TENM2: variants seen among roughly 807,000 people sequenced by gnomAD.
TENM2 encodes teneurin-2.
In TENM2, 52 loss-of-function variants were observed where a neutral mutation model predicts 245.2. The observed-to-expected ratio is 0.21, with a 90% CI of 0.17 to 0.27. The LOEUF (loss-of-function observed/expected upper bound fraction) is 0.27, where lower values mean the gene tolerates loss of function less well. Among genes scored for constraint, TENM2 ranks in the 10% least tolerant of loss-of-function variants. The pLI is 1.00. For synonymous variants in TENM2, 1,363 were observed against 1,438.9 expected (o/e 0.95, Z 1.19); for missense variants, 3,046 against 3,666.8 (o/e 0.83, Z 4.37).
chr5:167,929,862 T>C (rs1778146113), intron 3 of TENM2, among the ~76,000 whole-genome samples: 1 of 152,192 alleles, frequency 6.6e-6, no homozygotes, highest in Admixed American at 6.5e-5. Flanking sequence ...TTTTTCCTTA[T>C]GGCTCAGGGC....
At chr5:167,965,523 A>C (rs1781324840) in intron 4 of TENM2, 1 of 152,100 alleles carries the variant, frequency 6.6e-6, no homozygotes, top group African/African-American at 2.4e-5. Context: ...TGGAGGCTGC[A>C]GTAAGCTATG....
the TENM2 span, among the ~76,000 whole-genome samples, chr5:167,265,331 CAAAAAA>C: frequency 4.6e-4 from 18 of 39,394 alleles, no homozygotes; most frequent in South Asian, 9.8e-4. Context: ...GACTCTGTCT[CAAAAAA>C]AAAAAAAAAA....
At chr5:167,126,858 A>G in the TENM2 span, among the ~76,000 whole-genome samples, 1 of 152,190 alleles carries the variant, frequency 6.6e-6, no homozygotes, top group East Asian at 1.9e-4. Flanking sequence ...TGAGTTTATA[A>G]GATCAACTTT....
intron 3 of TENM2, among the ~76,000 whole-genome samples, chr5:167,890,912 C>T (rs368718856): frequency 2.6e-5 from 4 of 152,282 alleles, no homozygotes; most frequent in African/African-American, 7.2e-5. Context: ...TAAATCCCCA[C>T]TACAACCATC....
intron 3 of TENM2, among the ~76,000 whole-genome samples, chr5:167,910,821 C>G (rs969515290): frequency 2.0e-5 from 3 of 152,112 alleles, no homozygotes; most frequent in Non-Finnish European, 4.4e-5. Flanking sequence ...AATAATTTAT[C>G]CTAAGTTACA....
At chr5:167,846,593 CCA>C (rs1429625465) in intron 2 of TENM2, among the ~76,000 whole-genome samples, 1 of 151,982 alleles carries the variant, frequency 6.6e-6, no homozygotes, top group Admixed American at 6.6e-5. Flanking sequence ...TGAGATGAAG[CCA>C]CAGAGAAAAA....
intron 2 of TENM2, among the ~76,000 whole-genome samples, chr5:167,780,703 C>T (rs749265181): frequency 6.6e-6 from 1 of 152,178 alleles, no homozygotes; most frequent in Non-Finnish European, 1.5e-5. Context: ...CAGAAGCTCA[C>T]ATACAACAAA....
At chr5:168,235,480 C>T (rs991944679) in intron 25 of TENM2, among the ~76,000 whole-genome samples, 1 of 152,070 alleles carries the variant, frequency 6.6e-6, no homozygotes, top group African/African-American at 2.4e-5. Flanking sequence ...CCTCTTATAC[C>T]TTAGCAAGGA....
intron 2 of TENM2, among the ~76,000 whole-genome samples, chr5:167,464,293 C>A (rs1766507271): frequency 6.6e-6 from 1 of 151,680 alleles, no homozygotes; most frequent in East Asian, 1.9e-4. Flanking sequence ...CTTTTTTCAC[C>A]CTCTCTCATA....
At chr5:168,083,731 T>C (rs994565428) in intron 7 of TENM2, among the ~76,000 whole-genome samples, 4 of 152,120 alleles carry the variant, frequency 2.6e-5, no homozygotes, top group African/African-American at 9.7e-5. Context: ...GTAATAGACG[T>C]TTTTTAAAAA....
At chr5:167,110,353 C>T in the TENM2 span, among the ~76,000 whole-genome samples, 1 of 152,164 alleles carries the variant, frequency 6.6e-6, no homozygotes, top group Non-Finnish European at 1.5e-5. Context: ...AGTCCGGTTC[C>T]TTTTGTCAGA....
At chr5:167,873,910 G>T (rs1156612349) in intron 2 of TENM2, among the ~76,000 whole-genome samples, 1 of 152,216 alleles carries the variant, frequency 6.6e-6, no homozygotes, top group East Asian at 1.9e-4. Context: ...TTTCTATTCT[G>T]TTACTGTACA....
chr5:167,104,869 G>A, the TENM2 span, among the ~76,000 whole-genome samples: 1 of 152,166 alleles, frequency 6.6e-6, no homozygotes, highest in East Asian at 1.9e-4. Flanking sequence ...GCAGGAAATA[G>A]GGTATTTGAC....
At chr5:167,973,977 C>T (rs9885191) in intron 4 of TENM2, among the ~76,000 whole-genome samples, 52,135 of 102,492 alleles carry the variant, frequency 0.51, 15,525 homozygotes, top group African/African-American at 0.83. Flanking sequence ...TAACCAGTGC[C>T]TCTGATGGAA....
chr5:167,872,349 AGAAAG>A (rs1222896029), intron 2 of TENM2, among the ~76,000 whole-genome samples: 3 of 125,976 alleles, frequency 2.4e-5, no homozygotes, highest in Non-Finnish European at 5.3e-5. Flanking sequence ...AAAGAAAGAA[AGAAAG>A]GAAAGAGAAG....
chr5:168,059,527 T>TG (rs1195314884), intron 6 of TENM2, among the ~76,000 whole-genome samples: 1 of 152,156 alleles, frequency 6.6e-6, no homozygotes, highest in Non-Finnish European at 1.5e-5. Flanking sequence ...GGGTTTCTTT[T>TG]GGTACCTATC....
At chr5:167,683,609 A>G (rs780865929) in intron 2 of TENM2, among the ~76,000 whole-genome samples, 25 of 152,202 alleles carry the variant, frequency 1.6e-4, no homozygotes, top group Admixed American at 7.2e-4. Flanking sequence ...CATGCCCCAA[A>G]TAGCATGGTT....
chr5:168,189,719 G>A (rs184096597), intron 13 of TENM2, among the ~76,000 whole-genome samples: 37 of 152,200 alleles, frequency 2.4e-4, no homozygotes, highest in East Asian at 5.8e-4. Context: ...ACTTTTCTCC[G>A]TTAAAGTGAG....
chr5:168,144,854 T>A (rs1323515634), intron 12 of TENM2, among the ~76,000 whole-genome samples: 5 of 150,676 alleles, frequency 3.3e-5, no homozygotes, highest in Admixed American at 1.3e-4. Flanking sequence ...GTTTCCTGAC[T>A]TTTTAATGAT....
Sources: allele counts gnomAD v4.1 joint callset (sites outside exome capture counted in the v4.1 genomes callset), GRCh38; gene constraint gnomAD v4.1.1; transcripts MANE v1.5; gene names NCBI Gene and HGNC (gene_info 2026-07-23, HGNC 2026-07-21).